Variants in SGK1 observed in about 807,000 individuals in gnomAD.
SGK1 encodes the protein serine/threonine-protein kinase Sgk1.
Under a neutral mutation model 64.2 loss-of-function variants are expected in SGK1, and 26 were observed. The ratio of observed to expected loss-of-function variants is 0.40; its 90% CI spans 0.30 to 0.56. The LOEUF is 0.56. SGK1 is among the 20% of genes least tolerant of loss of function. The pLI is 0.38. For missense variants in SGK1, 519 were observed against 645.6 expected (o/e 0.80, Z 2.12); for synonymous variants, 265 against 239.7 (o/e 1.11, Z -0.98).
rs550360474 is a variant in SGK1, at chr6:134,272,656, G to A, written c.70-10508C>T. Among the ~76,000 whole-genome samples the A allele has an allele frequency of 2.0e-5, 3 of 147,664 alleles. 1 individual carries two copies. The East Asian group carries it at 7.3e-4, about 36-fold the overall frequency. On this transcript the variant is annotated intron_variant, in intron 1 of 13. Coordinates refer to ENST00000367858, the MANE Select transcript of SGK1 (RefSeq NM_001143676.3). ...CACCCAACTCTTCTCTCTTAGCCGAGCTTCATGAAAAAATAATCTCCATTT... is the reference window on the plus strand; with the variant it reads ...CACCCAACTCTTCTCTCTTAGCCGAACTTCATGAAAAAATAATCTCCATTT...
At chr6:134,272,643 C>T (rs1776957904) in intron 1 of SGK1, among the ~76,000 whole-genome samples, 1 of 147,970 alleles carries the variant, frequency 6.8e-6, no homozygotes, top group South Asian at 2.2e-4. Context: ...CCCAACTCTT[C>T]TCTCTTAGCC....
At chr6:134,212,589 T>TC (rs1056486146) in intron 2 of SGK1, among the ~76,000 whole-genome samples, 4 of 152,030 alleles carry the variant, frequency 2.6e-5, no homozygotes, top group African/African-American at 9.7e-5. Flanking sequence ...CTCAGGGAGC[T>TC]CCCAGGCCAG....
At chr6:134,291,135 G>A (rs1438141074) in intron 1 of SGK1, among the ~76,000 whole-genome samples, 1 of 152,148 alleles carries the variant, frequency 6.6e-6, no homozygotes, top group Non-Finnish European at 1.5e-5. Flanking sequence ...ATACTGAGCT[G>A]CAGCTCAGCC....
chr6:134,192,166 T>C (rs1423735764), intron 3 of SGK1, among the ~76,000 whole-genome samples: 1 of 151,706 alleles, frequency 6.6e-6, no homozygotes, highest in African/African-American at 2.4e-5. Flanking sequence ...GGTTTTGCCA[T>C]GTTGGCCGGG....
intron 1 of SGK1, among the ~76,000 whole-genome samples, chr6:134,295,226 C>T (rs1365323032): frequency 6.6e-6 from 1 of 151,826 alleles, no homozygotes; most frequent in Non-Finnish European, 1.5e-5. Context: ...AGAATGGAGT[C>T]CAATGGATGA....
chr6:134,185,555 AGTGTGTGT>A (rs55653141), intron 3 of SGK1, among the ~76,000 whole-genome samples: 23 of 145,416 alleles, frequency 1.6e-4, no homozygotes, highest in South Asian at 4.5e-4. Context: ...TATCTCTATG[AGTGTGTGT>A]GTGTGTGTGT....
At position 134,170,030 on chromosome 6, in the gene SGK1, G is replaced by A. The variant is rs189186128; in HGVS notation, c.*238C>T. The stretch of plus-strand genomic sequence containing the variant: ...CGTCTAAGGCGGCACTCTAACGCTC[G>A]TTTCAGAGATAGCACCACGTTGGAA... On this transcript the variant is annotated 3_prime_UTR_variant, in exon 14 of 14. Coordinates refer to ENST00000367858, the MANE Select transcript of SGK1 (RefSeq NM_001143676.3). 4 of 324,586 alleles carry A rather than the reference G, an allele frequency of 1.2e-5. No individual in the cohort carries two copies. Among genetic ancestry groups the A allele is most frequent in the East Asian group, 4.9e-5 (1 of 20,236 alleles). The allele number at this position is 324,586 out of a possible 1,614,324, so 20.1% of individuals were successfully genotyped here.
chr6:134,225,027 A>AAAAAAG (rs1776149344), intron 2 of SGK1, among the ~76,000 whole-genome samples: 1 of 150,342 alleles, frequency 6.7e-6, no homozygotes, highest in East Asian at 2.0e-4. Flanking sequence ...AAAAAAAGAA[A>AAAAAAG]AAAGAAAGAA....
intron 1 of SGK1, among the ~76,000 whole-genome samples, chr6:134,304,376 G>A (rs373336781): frequency 1.3e-5 from 2 of 152,306 alleles, no homozygotes; most frequent in East Asian, 1.9e-4. Flanking sequence ...TACAGGCTGG[G>A]TGCGGATGCT....
chr6:134,278,516 G>A (rs1777049483), intron 1 of SGK1, among the ~76,000 whole-genome samples: 3 of 152,220 alleles, frequency 2.0e-5, no homozygotes, highest in African/African-American at 7.2e-5. Context: ...AAAAGAAATT[G>A]CACAGTACAC....
At chr6:134,238,120 G>A (rs1326446380) in intron 2 of SGK1, among the ~76,000 whole-genome samples, 1 of 152,112 alleles carries the variant, frequency 6.6e-6, no homozygotes, top group Non-Finnish European at 1.5e-5. Flanking sequence ...ACTTCCAGCT[G>A]GAAAGATAAT....
At chr6:134,238,482 A>T (rs1476651527) in intron 2 of SGK1, among the ~76,000 whole-genome samples, 2 of 152,222 alleles carry the variant, frequency 1.3e-5, no homozygotes, top group African/African-American at 4.8e-5. Context: ...ACAGACTTGA[A>T]ATCAAAGAAG....
chr6:134,279,650 C>T (rs530234458), intron 1 of SGK1, among the ~76,000 whole-genome samples: 1 of 152,086 alleles, frequency 6.6e-6, no homozygotes, highest in African/African-American at 2.4e-5. Flanking sequence ...TCCCCTCCCC[C>T]CCAAAAATAG....
intron 3 of SGK1, among the ~76,000 whole-genome samples, chr6:134,202,017 A>C (rs1775694742): frequency 6.6e-6 from 1 of 152,198 alleles, no homozygotes; most frequent in South Asian, 2.1e-4. Context: ...CTACATCTTA[A>C]AGAATATAGA....
At chr6:134,216,096 T>C (rs1346498374) in intron 2 of SGK1, among the ~76,000 whole-genome samples, 1 of 152,236 alleles carries the variant, frequency 6.6e-6, no homozygotes, top group Non-Finnish European at 1.5e-5. Context: ...TTTTTCTTTT[T>C]ATAAAAAAAT....
At position 134,169,523 on chromosome 6, in the gene SGK1, CA is replaced by C. The variant is rs1336978992; in HGVS notation, c.*744del. 1 of 150,922 alleles carries C rather than the reference CA, an allele frequency of 6.6e-6. No individual in the cohort carries two copies. The highest frequency in any genetic ancestry group is 2.4e-5 in the African/African-American group (1 of 41,040). 9.3% of individuals were successfully genotyped at this position (150,922 alleles called of 1,614,324 possible). A position where few individuals can be genotyped will look rare whatever the true frequency, so the allele number is the denominator to read the frequency against. Reference sequence around the variant, plus strand: ...CCCATTTTACAGGTGACATTTTAAACAATGAAAAACACCAACGGCTCTGACT... The same window carrying C: ...CCCATTTTACAGGTGACATTTTAAACATGAAAAACACCAACGGCTCTGACT... On this transcript the variant is annotated 3_prime_UTR_variant, in exon 14 of 14. Coordinates refer to ENST00000367858, the MANE Select transcript of SGK1 (RefSeq NM_001143676.3).
At chr6:134,289,198 C>G (rs1385583108) in intron 1 of SGK1, among the ~76,000 whole-genome samples, 1 of 152,214 alleles carries the variant, frequency 6.6e-6, no homozygotes, top group Non-Finnish European at 1.5e-5. Flanking sequence ...AACTCTGTCT[C>G]CCTTGTCTAC....
chr6:134,317,430 C>A lies in SGK1; in HGVS notation c.31G>T (p.Val11Phe). 1.9e-6 allele frequency: 3 copies of A among 1,610,966 alleles called. No homozygotes were observed. The highest frequency in any genetic ancestry group is 2.5e-6 in the Non-Finnish European group (3 of 1,177,046). Residue 11 changes from valine to phenylalanine, a missense_variant, in exon 1 of 14, where the codon GTC (valine) becomes TTC (phenylalanine). Transcript: ENST00000367858. MVNKDMNGFP[V>F]KKCSAFQFFK... ...AATTGGAAGGCTGAGCATTTCTTGA[C>A]TGGGAATCCATTCATGTCTTTGTTT... is the stretch of plus-strand genomic sequence containing the variant.
intron 1 of SGK1, among the ~76,000 whole-genome samples, chr6:134,273,598 A>AC (rs1776975195): frequency 8.7e-6 from 1 of 114,554 alleles, no homozygotes; most frequent in Non-Finnish European, 1.8e-5. Context: ...GTCTCAAAAA[A>AC]AAAAAAAAAA....
Sources: allele counts gnomAD v4.1 joint callset (sites outside exome capture counted in the v4.1 genomes callset), GRCh38; gene constraint gnomAD v4.1.1; transcripts MANE v1.5; gene names NCBI Gene and HGNC (gene_info 2026-07-23, HGNC 2026-07-21).